ITGBL1: variants seen among roughly 807,000 people sequenced by gnomAD.
ITGBL1 encodes integrin subunit beta like 1, also known as integrin beta-like protein 1.
In ITGBL1, 51 loss-of-function variants were observed where a neutral mutation model predicts 68.5. The observed-to-expected ratio is 0.74, with a 90% CI of 0.59 to 0.94. ITGBL1 has a LOEUF of 0.94. Ranked by LOEUF, ITGBL1 falls within the 40% of genes least tolerant of loss-of-function variation. ITGBL1 has a pLI of 0.00. For missense variants in ITGBL1, 649 were observed against 647.4 expected, an observed-to-expected ratio of 1.00 and a Z score of -0.03; for synonymous variants, 209 against 227.3, an observed-to-expected ratio of 0.92 and a Z score of 0.72.
intron 2 of ITGBL1, among the ~76,000 whole-genome samples, chr13:101,543,137 A>C (rs1449371320): frequency 1.3e-5 from 2 of 152,162 alleles, no homozygotes; most frequent in Non-Finnish European, 2.9e-5. Flanking sequence ...TAGTTGATGC[A>C]GTTTCTTCCT....
intron 2 of ITGBL1, among the ~76,000 whole-genome samples, chr13:101,545,795 G>C (rs991984567): frequency 1.3e-5 from 2 of 152,170 alleles, no homozygotes; most frequent in African/African-American, 2.4e-5. Context: ...AACAACTAAA[G>C]GGAGAAGGCA....
intron 2 of ITGBL1, among the ~76,000 whole-genome samples, chr13:101,548,206 T>A (rs2049860911): frequency 6.6e-6 from 1 of 151,850 alleles, no homozygotes; most frequent in South Asian, 2.1e-4. Context: ...CAGATAAATA[T>A]GACAATACAA....
intron 2 of ITGBL1, among the ~76,000 whole-genome samples, chr13:101,555,327 T>C (rs2049987008): frequency 6.6e-6 from 1 of 152,178 alleles, no homozygotes; most frequent in African/African-American, 2.4e-5. Context: ...AAAATAACCA[T>C]TTTTAAAGAT....
intron 8 of ITGBL1, among the ~76,000 whole-genome samples, chr13:101,704,484 T>TAAAAAAAAAAAAAAAAAAAAAAAAAAAA (rs57687698): frequency 9.5e-6 from 1 of 105,370 alleles, no homozygotes; most frequent in African/African-American, 3.7e-5. Flanking sequence ...ATTCATTCAG[T>TAAAAAAAAAAAAAAAAAAAAAAAAAAAA]AAAAAAAAAA....
At chr13:101,625,985 G>A (rs892026024) in intron 7 of ITGBL1, among the ~76,000 whole-genome samples, 4 of 152,192 alleles carry the variant, frequency 2.6e-5, no homozygotes, top group African/African-American at 9.7e-5. Flanking sequence ...AGGGAGAAAG[G>A]AGAACTTAAG....
intron 10 of ITGBL1, chr13:101,715,254 C>T (rs2034665400): frequency 3.9e-6 from 1 of 253,192 alleles, no homozygotes; most frequent in African/African-American, 2.2e-5. Flanking sequence ...TGTATTTATT[C>T]ATAAGTCAGA....
At chr13:101,586,653 T>A (rs1049703389) in intron 6 of ITGBL1, among the ~76,000 whole-genome samples, 13 of 152,226 alleles carry the variant, frequency 8.5e-5, no homozygotes, top group African/African-American at 3.1e-4. Context: ...CTCATGTAAC[T>A]TAATCTCCAG....
At chr13:101,562,367 T>C (rs185605173) in intron 2 of ITGBL1, among the ~76,000 whole-genome samples, 26 of 152,156 alleles carry the variant, frequency 1.7e-4, no homozygotes, top group Non-Finnish European at 3.5e-4. Flanking sequence ...AAATGTGATC[T>C]CTTTAAACTC....
At chr13:101,716,873 T>G (rs2139629950), downstream of ITGBL1, 1 of 152,184 alleles carries the variant, frequency 6.6e-6, no homozygotes, top group Admixed American at 6.5e-5. Flanking sequence ...GTTTATTTTC[T>G]TAATGGTGAA....
chr13:101,487,146 A>G (rs2048712983), intron 2 of ITGBL1, among the ~76,000 whole-genome samples: 1 of 152,206 alleles, frequency 6.6e-6, no homozygotes, highest in Non-Finnish European at 1.5e-5. Context: ...TTCACCTATT[A>G]CCAGGCATAT....
chr13:101,523,402 C>A (rs953844329), intron 2 of ITGBL1, among the ~76,000 whole-genome samples: 1 of 152,150 alleles, frequency 6.6e-6, no homozygotes, highest in African/African-American at 2.4e-5. Context: ...TGCAGTTCAC[C>A]ACCCACTATA....
rs2034267845 is a variant in ITGBL1, at chr13:101,706,575, T to A, written c.1133-181T>A. ...CTATGCTACATTCAAATTTATTATGTTAAGCTAGAACTCTGTTGTAAGTTC... is the reference window on the plus strand; with the variant it reads ...CTATGCTACATTCAAATTTATTATGATAAGCTAGAACTCTGTTGTAAGTTC... On this transcript the variant is annotated intron_variant, in intron 8 of 10. Transcript: ENST00000376180. Among the ~76,000 whole-genome samples the A allele has an allele frequency of 3.3e-5, 5 of 152,376 alleles. 1 individual carries two copies. In the South Asian group the frequency reaches 1.0e-3, roughly 32 times the overall value.
At chr13:101,453,589 G>A (rs960353274) in intron 1 of ITGBL1, among the ~76,000 whole-genome samples, 3 of 152,220 alleles carry the variant, frequency 2.0e-5, no homozygotes, top group Non-Finnish European at 4.4e-5. Flanking sequence ...AACTACCAAA[G>A]AGCAGGGCAG....
rs115896180 is a variant in ITGBL1 at position 101,612,772 on chromosome 13, A to C, written c.1015+14473A>C. ...GGTATGACAGGGTGAGCACAGGGCG[A>C]CACTATTCACCCCTGCTCATCTATT... On this transcript the variant is annotated intron_variant, in intron 7 of 10. Coordinates refer to ENST00000376180, the MANE Select transcript of ITGBL1 (RefSeq NM_004791.3). Among the ~76,000 whole-genome samples, 401 of 152,138 alleles carry C rather than the reference A, an allele frequency of 2.6e-3. 1 individual carries two copies. The highest frequency in any genetic ancestry group is 9.2e-3 in the African/African-American group (383 of 41,502).
At chr13:101,571,063 T>C (rs1017361580) in intron 3 of ITGBL1, among the ~76,000 whole-genome samples, 10 of 152,066 alleles carry the variant, frequency 6.6e-5, no homozygotes, top group African/African-American at 2.4e-4. Flanking sequence ...ATTTTAGAAA[T>C]CATGAATTTA....
At chr13:101,478,739 T>TA (rs1434468564) in intron 2 of ITGBL1, among the ~76,000 whole-genome samples, 1 of 151,422 alleles carries the variant, frequency 6.6e-6, no homozygotes, top group East Asian at 1.9e-4. Context: ...CAGCTACAAA[T>TA]AAAATGAGTT....
intron 2 of ITGBL1, among the ~76,000 whole-genome samples, chr13:101,470,399 G>A (rs766170543): frequency 4.0e-5 from 6 of 151,160 alleles, no homozygotes; most frequent in East Asian, 1.9e-4. Flanking sequence ...GCGCGATCTC[G>A]GCTCACTGCA....
intron 2 of ITGBL1, among the ~76,000 whole-genome samples, chr13:101,496,777 A>G (rs1417303636): frequency 6.6e-6 from 1 of 152,172 alleles, no homozygotes; most frequent in Non-Finnish European, 1.5e-5. Flanking sequence ...TCCTGTTCTG[A>G]CTTTCAGGTA....
chr13:101,666,412 G>A (rs1594966121), intron 7 of ITGBL1, among the ~76,000 whole-genome samples: 1 of 152,102 alleles, frequency 6.6e-6, no homozygotes, highest in South Asian at 2.1e-4. Context: ...TTGGAACTGT[G>A]AGCCTGTCTT....
Sources: allele counts gnomAD v4.1 joint callset (sites outside exome capture counted in the v4.1 genomes callset), GRCh38; gene constraint gnomAD v4.1.1; transcripts MANE v1.5; gene names NCBI Gene and HGNC (gene_info 2026-07-23, HGNC 2026-07-21).